The following EYA1 variants were observed in gnomAD, a reference collection of about 807,000 sequenced individuals.
EYA1 encodes EYA transcriptional coactivator and phosphatase 1.
In EYA1, 16 loss-of-function variants were observed where a neutral mutation model predicts 82.0. That is an observed-to-expected ratio of 0.20 (90% CI 0.13 to 0.30). EYA1 has a LOEUF of 0.30. Ranked by LOEUF, EYA1 falls within the 10% of genes least tolerant of loss-of-function variation. The pLI is 1.00. For missense variants in EYA1, 633 were observed against 730.7 expected, an observed-to-expected ratio of 0.87 and a Z score of 1.54; for synonymous variants, 261 against 264.4, an observed-to-expected ratio of 0.99 and a Z score of 0.12.
chr8:71,350,558 C>T (rs1052084477), intron 3 of EYA1, among the ~76,000 whole-genome samples: 1 of 152,170 alleles, frequency 6.6e-6, no homozygotes, highest in Non-Finnish European at 1.5e-5. Flanking sequence ...GAATTACCAT[C>T]AGAATTCCTG....
intron 12 of EYA1, among the ~76,000 whole-genome samples, chr8:71,230,780 C>A (rs1036335536): frequency 5.9e-5 from 9 of 152,230 alleles, no homozygotes; most frequent in Non-Finnish European, 1.2e-4. Flanking sequence ...AGTTGCCTCA[C>A]ATAAATCATT....
chr8:71,385,827 G>C (rs1271416496), intron 2 of EYA1, among the ~76,000 whole-genome samples: 4 of 152,110 alleles, frequency 2.6e-5, no homozygotes, highest in Non-Finnish European at 5.9e-5. Flanking sequence ...TATCTAGTTG[G>C]TGATACTTAG....
At chr8:71,257,870 G>T (rs1814626102) in intron 11 of EYA1, among the ~76,000 whole-genome samples, 1 of 152,022 alleles carries the variant, frequency 6.6e-6, no homozygotes, top group South Asian at 2.1e-4. Flanking sequence ...TTATTTTTTG[G>T]TTGTATGTCT....
intron 17 of EYA1, among the ~76,000 whole-genome samples, chr8:71,207,615 A>T (rs1807968772): frequency 6.6e-6 from 1 of 152,226 alleles, no homozygotes; most frequent in Non-Finnish European, 1.5e-5. Flanking sequence ...TGTTTTCTGC[A>T]GGTGGCTGCC....
intron 2 of EYA1, among the ~76,000 whole-genome samples, chr8:71,466,546 T>C (rs1428548811): frequency 6.6e-6 from 1 of 152,104 alleles, no homozygotes; most frequent in African/African-American, 2.4e-5. Flanking sequence ...CTGTAAAATA[T>C]CAATAAGCAT....
At chr8:71,459,565 A>C (rs1808212980) in intron 2 of EYA1, among the ~76,000 whole-genome samples, 1 of 152,100 alleles carries the variant, frequency 6.6e-6, no homozygotes, top group Non-Finnish European at 1.5e-5. Context: ...TATTTCTGCT[A>C]TTTATTTTAA....
intron 2 of EYA1, among the ~76,000 whole-genome samples, chr8:71,392,597 A>AT (rs2129112449): frequency 6.6e-6 from 1 of 152,280 alleles, no homozygotes; most frequent in African/African-American, 2.4e-5. Flanking sequence ...GTCACTGGAA[A>AT]TTTTAGTGCC....
intron 6 of EYA1, among the ~76,000 whole-genome samples, chr8:71,319,121 C>T (rs1822239758): frequency 6.8e-6 from 1 of 147,078 alleles, no homozygotes; most frequent in Non-Finnish European, 1.5e-5. Flanking sequence ...AATAAAATAC[C>T]AATAATTCAT....
Position 71,356,459 on chromosome 8 carries a change from T to C in EYA1, c.-5+3A>G. 4 of 1,583,118 alleles carry C rather than the reference T, an allele frequency of 2.5e-6. No homozygotes were observed. The highest frequency in any genetic ancestry group is 3.4e-6 in the Non-Finnish European group (4 of 1,163,396). On this transcript the variant is annotated splice_donor_region_variant and intron_variant, in intron 2 of 17. Transcript: ENST00000340726. ...AAATGTCAAATATCAACAATATCCT[T>C]ACCTGCAACTTGAGGAAACAGCAAC...
intron 2 of EYA1, among the ~76,000 whole-genome samples, chr8:71,481,755 C>T (rs1453214013): frequency 1.3e-5 from 2 of 152,142 alleles, no homozygotes; most frequent in African/African-American, 2.4e-5. Flanking sequence ...GCAGCAACAG[C>T]AGCAGTTGCT....
Position 71,216,686 on chromosome 8 carries a change from A to C in EYA1, c.1360+6T>G. The C allele has an allele frequency of 6.2e-7, 1 of 1,613,908 alleles. No individual in the cohort carries two copies. Among genetic ancestry groups the C allele is most frequent in the Non-Finnish European group, 8.5e-7 (1 of 1,179,790 alleles). On this transcript the variant is annotated splice_donor_region_variant and intron_variant, in intron 14 of 17. Transcript: ENST00000340726. ...ACTTGCTGAGGTACTGGTGGTAATCACTTGCCTCCAACATTATTTTTGTAG... is the reference window on the plus strand; with the variant it reads ...ACTTGCTGAGGTACTGGTGGTAATCCCTTGCCTCCAACATTATTTTTGTAG...
intron 12 of EYA1, chr8:71,225,096 GT>G: frequency 3.5e-6 from 1 of 286,812 alleles, no homozygotes; most frequent in Non-Finnish European, 7.1e-6. Context: ...TTACTTGCGT[GT>G]TTTTCTCTGT....
intron 2 of EYA1, among the ~76,000 whole-genome samples, chr8:71,490,393 T>C (rs1412156324): frequency 1.3e-5 from 2 of 152,214 alleles, no homozygotes; most frequent in Admixed American, 1.3e-4. Flanking sequence ...TATTTCAGAA[T>C]TAAACCTTCC....
chr8:71,237,292 C>T (rs28451469), intron 12 of EYA1, among the ~76,000 whole-genome samples: 6,281 of 152,086 alleles, frequency 0.041, 409 homozygotes, highest in African/African-American at 0.14. Flanking sequence ...CCTCGTGATC[C>T]GCCCTGATTG....
chr8:71,286,250 T>C (rs994670478), intron 9 of EYA1, among the ~76,000 whole-genome samples: 1 of 152,156 alleles, frequency 6.6e-6, no homozygotes, highest in Admixed American at 6.5e-5. Context: ...TGGAAACACC[T>C]CACAGAACTG....
chr8:71,533,416 C>A (rs1022385677), intron 2 of EYA1, among the ~76,000 whole-genome samples: 2 of 152,038 alleles, frequency 1.3e-5, no homozygotes, highest in Non-Finnish European at 2.9e-5. Context: ...ATGGCTGAAA[C>A]TTTTTGTGAC....
intron 2 of EYA1, among the ~76,000 whole-genome samples, chr8:71,418,645 A>G (rs78955562): frequency 0.16 from 24,113 of 152,236 alleles, 2,126 homozygotes; most frequent in African/African-American, 0.23. Context: ...TGAGTAAGTT[A>G]TTTATTTTCA....
chr8:71,297,038 G>T (rs745361603), intron 9 of EYA1, among the ~76,000 whole-genome samples: 15 of 152,066 alleles, frequency 9.9e-5, no homozygotes, highest in Non-Finnish European at 2.2e-4. Context: ...ACTCGCTTTA[G>T]TTGGAAGAGG....
At chr8:71,515,672 G>C (rs1563693510) in intron 2 of EYA1, among the ~76,000 whole-genome samples, 1 of 152,038 alleles carries the variant, frequency 6.6e-6, no homozygotes, top group South Asian at 2.1e-4. Context: ...TTACTTTGAA[G>C]ATTCTTATGC....
Sources: gnomAD v4.1 joint callset for allele counts (sites outside exome capture counted in the v4.1 genomes callset) on GRCh38, gnomAD v4.1.1 for gene constraint, MANE v1.5 for transcripts, NCBI Gene and HGNC (gene_info 2026-07-23, HGNC 2026-07-21) for gene names.